PARVG: variants seen among roughly 807,000 people sequenced by gnomAD.
The protein encoded by PARVG is parvin gamma, also known as gamma-parvin.
Under a neutral mutation model 44.4 loss-of-function variants are expected in PARVG, and 36 were observed. The ratio of observed to expected loss-of-function variants is 0.81; its 90% confidence interval spans 0.62 to 1.07. The LOEUF (loss-of-function observed/expected upper bound fraction) is 1.07. Ranked by LOEUF, PARVG falls within the 50% of genes least tolerant of loss-of-function variation. The pLI is 0.00. For missense variants in PARVG, 407 were observed against 407.4 expected, an observed-to-expected ratio of 1.00 and a Z score of 0.01; for synonymous variants, 170 against 174.1, an observed-to-expected ratio of 0.98 and a Z score of 0.19.
chr22:44,192,621 A>G (rs1462547983), intron 8 of PARVG, among the ~76,000 whole-genome samples: 2 of 126,808 alleles, frequency 1.6e-5, no homozygotes, highest in East Asian at 4.8e-4. Flanking sequence ...CCCTCTGGGG[A>G]GTGGCCATCC....
At position 44,193,909 on chromosome 22, in the gene PARVG, G is replaced by A. The variant is rs767481091; in HGVS notation, c.583+86G>A. 4 of 1,508,146 alleles carry A rather than the reference G, an allele frequency of 2.7e-6. No individual in the cohort carries two copies. In the South Asian group the frequency reaches 3.5e-5, roughly 13 times the overall value. The allele number at this position is 1,508,146 out of a possible 1,614,324, so 93.4% of individuals were successfully genotyped here. The stretch of plus-strand genomic sequence containing the variant: ...GTCTTAATGCAGGGTTAATTGCTGA[G>A]CATTCTCTCATTTCCCTGTCACTTG... On this transcript the variant is annotated intron_variant, in intron 9 of 13. Transcript: ENST00000444313.
At chr22:44,177,491 AGCCTCCT>A (rs1280388938), upstream of PARVG, among the ~76,000 whole-genome samples, 1 of 152,216 alleles carries the variant, frequency 6.6e-6, no homozygotes. Context: ...CCATCTCTCC[AGCCTCCT>A]GTAGTCTGGA....
At chr22:44,173,338 CA>C in intron 1 of PARVG, 1 of 655,278 alleles carries the variant, frequency 1.5e-6, no homozygotes, top group Non-Finnish European at 2.2e-6. Flanking sequence ...GCATGCTGAC[CA>C]GTAAGTGACC....
At chr22:44,178,599 G>A (rs1454877103), upstream of PARVG, among the ~76,000 whole-genome samples, 1 of 152,134 alleles carries the variant, frequency 6.6e-6, no homozygotes, top group African/African-American at 2.4e-5. Flanking sequence ...ACCCACAATC[G>A]GGAGAAAAAT....
At chr22:44,200,994 G>A (rs1055714551) in intron 12 of PARVG, among the ~76,000 whole-genome samples, 5 of 151,746 alleles carry the variant, frequency 3.3e-5, no homozygotes, top group African/African-American at 9.7e-5. Context: ...CCTTCCTGCC[G>A]ACTCCCAGCC....
In PARVG at chr22:44,185,845, G is replaced by C; in HGVS notation, c.117G>C (p.Lys39Asn). Residue 39 changes from lysine (K) to asparagine (N), a missense_variant, in exon 4 of 14, where the codon AAG becomes AAC. Coordinates refer to ENST00000444313, the MANE Select transcript of PARVG (RefSeq NM_022141.7). ...AATACCTGCCACCCACTTCCCGGAA[G>C]GACCCCAAATTTGAAGAACTGCAGA... ...KKKYLPPTSR[K>N]DPKFEELQKV... 8.1e-6 allele frequency: 13 copies of C among 1,613,734 alleles called. No homozygotes were observed. Among genetic ancestry groups the C allele is most frequent in the Non-Finnish European group, 1.1e-5 (13 of 1,179,782 alleles).
chr22:44,198,945 CCCATCCAT>C (rs1292696321), intron 12 of PARVG, among the ~76,000 whole-genome samples: 1,640 of 21,438 alleles, frequency 0.076, 1 homozygote, highest in Non-Finnish European at 0.097. Context: ...CATCCACCCA[CCCATCCAT>C]CCATCCATCC....
chr22:44,196,915 C>A (rs1007092338), intron 11 of PARVG, among the ~76,000 whole-genome samples: 10 of 152,298 alleles, frequency 6.6e-5, no homozygotes, highest in African/African-American at 2.4e-4. Context: ...AGCAGAATCT[C>A]AGGGGGTCAG....
chr22:44,185,707 C>T (rs1202544796), intron 3 of PARVG, 101 bp from the exon 4 acceptor site: 1 of 990,978 alleles, frequency 1.0e-6, no homozygotes, highest in Admixed American at 2.1e-5. Context: ...GGACCGGTGC[C>T]CCTGGGTCTG....
At chr22:44,177,177 G>A (rs1386772491), upstream of PARVG, among the ~76,000 whole-genome samples, 3 of 151,972 alleles carry the variant, frequency 2.0e-5, no homozygotes, top group South Asian at 2.1e-4. Context: ...TGCCTCTCTC[G>A]ATATAATAAT....
At chr22:44,178,700 A>G (rs555203401), upstream of PARVG, among the ~76,000 whole-genome samples, 26 of 152,206 alleles carry the variant, frequency 1.7e-4, no homozygotes, top group South Asian at 4.1e-4. Context: ...GTGTCGTGAA[A>G]GATTGTTCTA....
intron 11 of PARVG, among the ~76,000 whole-genome samples, chr22:44,197,456 G>A (rs554995323): frequency 1.3e-5 from 2 of 152,346 alleles, no homozygotes; most frequent in Admixed American, 6.5e-5. Flanking sequence ...GTGGACCTGG[G>A]ATTTGAACCC....
chr22:44,187,495 A>C, intron 4 of PARVG: 1 of 496,000 alleles, frequency 2.0e-6, no homozygotes, highest in South Asian at 2.7e-5. Context: ...GGTATTTGCT[A>C]TGGTAGTACC....
At chr22:44,192,574 C>T (rs1400663022) in intron 8 of PARVG, among the ~76,000 whole-genome samples, 1 of 151,908 alleles carries the variant, frequency 6.6e-6, no homozygotes, top group Non-Finnish European at 1.5e-5. Context: ...GGCCATCCTG[C>T]TCCCTGCCCA....
intron 6 of PARVG, 31 bp from the exon 7 acceptor site, chr22:44,190,520 G>T (rs375573329): frequency 2.4e-4 from 380 of 1,574,354 alleles, no homozygotes; most frequent in Non-Finnish European, 3.1e-4. Context: ...GCGGCCTCCT[G>T]GGCTCTGACC....
chr22:44,185,034 C>T (rs886180829), intron 3 of PARVG: 6 of 152,264 alleles, frequency 3.9e-5, no homozygotes, highest in African/African-American at 1.2e-4. Context: ...TTCATTCATT[C>T]ATTCGCCTGC....
chr22:44,180,658 G>A (rs2054362357), upstream of PARVG, among the ~76,000 whole-genome samples: 1 of 152,198 alleles, frequency 6.6e-6, no homozygotes. Context: ...TCACAAGGAA[G>A]TTTCCAGTAA....
chr22:44,173,280 C>G lies in PARVG; in HGVS notation c.-189+89C>G, dbSNP rs192182966. 4 of 1,085,470 alleles carry G rather than the reference C, an allele frequency of 3.7e-6. No individual in the cohort carries two copies. The Admixed American group carries it at 1.1e-4, about 31-fold the overall frequency. 67.2% of individuals were successfully genotyped at this position (1,085,470 alleles called of 1,614,324 possible). A position where few individuals can be genotyped will look rare whatever the true frequency, so the allele number is the denominator to read the frequency against. On this transcript the variant is annotated intron_variant, in intron 1 of 13. Transcript: ENST00000422871. ...GGCCAGGAGCACAGGCTGCATGACA[C>G]ATGGAGGTGGTCTCCTTACTTTTCA...
chr22:44,199,596 A>G (rs1237811638), intron 12 of PARVG, among the ~76,000 whole-genome samples: 1 of 152,190 alleles, frequency 6.6e-6, no homozygotes, highest in African/African-American at 2.4e-5. Flanking sequence ...GTGGTCTTGC[A>G]GGGCCACAGT....
Sources: gnomAD v4.1 joint callset for allele counts (sites outside exome capture counted in the v4.1 genomes callset) on GRCh38, gnomAD v4.1.1 for gene constraint, MANE v1.5 for transcripts, NCBI Gene and HGNC (gene_info 2026-07-23, HGNC 2026-07-21) for gene names.